The following GRID1 variants were observed in gnomAD, a reference collection of about 807,000 sequenced individuals.
GRID1 encodes the protein glutamate ionotropic receptor delta type subunit 1.
In GRID1, 28 loss-of-function variants were observed where a neutral mutation model predicts 98.0. That is an observed-to-expected ratio of 0.29 (90% CI 0.21 to 0.39). GRID1 has a LOEUF of 0.39. GRID1 is among the 10% of genes least tolerant of loss of function. The probability of loss-of-function intolerance (pLI) is 1.00; values close to 1 mark genes in which losing one functional copy is unlikely to be tolerated. For missense variants in GRID1, 1,111 were observed against 1,340.5 expected (o/e 0.83, Z 2.67); for synonymous variants, 553 against 538.5 (o/e 1.03, Z -0.37).
rs190497912 is a variant in GRID1 at position 85,884,826 on chromosome 10, G to T, written c.781-15646C>A. ...TGGAATTGACTGATGGCAAAATACT[G>T]ATGGATCTACCTCCATTTTCAATGG... On this transcript the variant is annotated intron_variant, in intron 5 of 15. Transcript: ENST00000327946. 1.9e-4 allele frequency among the ~76,000 whole-genome samples: 29 copies of T among 152,254 alleles called. No homozygotes were observed. In the East Asian group the frequency reaches 5.2e-3, roughly 27 times the overall value.
At chr10:85,883,193 T>G (rs1212265168) in intron 5 of GRID1, among the ~76,000 whole-genome samples, 1 of 152,190 alleles carries the variant, frequency 6.6e-6, no homozygotes, top group Non-Finnish European at 1.5e-5. Context: ...TCTGCGTATG[T>G]ATCCACTTTG....
At chr10:86,119,000 C>T (rs139345448) in intron 4 of GRID1, among the ~76,000 whole-genome samples, 2 of 152,144 alleles carry the variant, frequency 1.3e-5, no homozygotes, top group African/African-American at 4.8e-5. Context: ...TGGATAGGAT[C>T]CTAAGACAAA....
chr10:86,160,913 T>C (rs7091238), intron 3 of GRID1, among the ~76,000 whole-genome samples: 64,645 of 152,180 alleles, frequency 0.42, 16,640 homozygotes, highest in African/African-American at 0.72. Context: ...ACACGCTCAG[T>C]GTGCTGGAAA....
chr10:86,140,266 C>T (rs1844992865), intron 3 of GRID1, among the ~76,000 whole-genome samples: 1 of 152,254 alleles, frequency 6.6e-6, no homozygotes, highest in Admixed American at 6.5e-5. Context: ...TCTGCCCAGA[C>T]CCACAAGCTG....
At chr10:86,105,042 G>A (rs1184290879) in intron 4 of GRID1, among the ~76,000 whole-genome samples, 5 of 152,176 alleles carry the variant, frequency 3.3e-5, no homozygotes, top group Non-Finnish European at 7.3e-5. Context: ...TCATTACATA[G>A]TCACATAATT....
intron 8 of GRID1, among the ~76,000 whole-genome samples, chr10:85,845,180 T>C (rs773518628): frequency 6.6e-6 from 1 of 151,966 alleles, no homozygotes; most frequent in Non-Finnish European, 1.5e-5. Context: ...TGATTGTGTA[T>C]ACAGAAAATC....
intron 8 of GRID1, among the ~76,000 whole-genome samples, chr10:85,734,693 G>T (rs1197434895): frequency 6.6e-6 from 1 of 152,160 alleles, no homozygotes; most frequent in Non-Finnish European, 1.5e-5. Flanking sequence ...CAGAAGCCAA[G>T]TGCCCCAGGC....
At chr10:85,898,507 C>T in intron 5 of GRID1, among the ~76,000 whole-genome samples, 1 of 152,174 alleles carries the variant, frequency 6.6e-6, no homozygotes, top group East Asian at 1.9e-4. Context: ...TATAGTAACA[C>T]TTAGTTTACA....
intron 12 of GRID1, among the ~76,000 whole-genome samples, chr10:85,689,855 A>C (rs1346768834): frequency 1.3e-5 from 2 of 152,208 alleles, no homozygotes; most frequent in African/African-American, 4.8e-5. Flanking sequence ...TATTCTTCAT[A>C]TGTAGAGAAC....
chr10:86,335,650 C>T (rs1288359366), intron 2 of GRID1, among the ~76,000 whole-genome samples: 1 of 152,230 alleles, frequency 6.6e-6, no homozygotes, highest in Non-Finnish European at 1.5e-5. Context: ...AAGAAACACA[C>T]TCATGAGGTC....
chr10:85,636,063 G>A (rs574367575), intron 13 of GRID1, among the ~76,000 whole-genome samples: 2 of 152,314 alleles, frequency 1.3e-5, no homozygotes, highest in South Asian at 2.1e-4. Flanking sequence ...TGATGCATAG[G>A]AGAAACTTAA....
chr10:85,753,718 A>G (rs1436483635), intron 8 of GRID1, among the ~76,000 whole-genome samples: 1 of 152,226 alleles, frequency 6.6e-6, no homozygotes, highest in African/African-American at 2.4e-5. Flanking sequence ...GTAGGGCAGA[A>G]AGCCTCACAC....
At chr10:86,058,136 G>A (rs537142066) in intron 4 of GRID1, among the ~76,000 whole-genome samples, 4 of 152,268 alleles carry the variant, frequency 2.6e-5, no homozygotes, top group Middle Eastern at 3.4e-3. Flanking sequence ...GAGGAAGGGA[G>A]GAAGCTGGAG....
intron 5 of GRID1, among the ~76,000 whole-genome samples, chr10:85,898,763 G>C (rs1841333568): frequency 6.6e-6 from 1 of 152,000 alleles, no homozygotes; most frequent in Non-Finnish European, 1.5e-5. Flanking sequence ...CTTTATTCTG[G>C]AATATCTCCT....
At chr10:86,294,590 G>A (rs1241232918) in intron 2 of GRID1, among the ~76,000 whole-genome samples, 1 of 152,198 alleles carries the variant, frequency 6.6e-6, no homozygotes, top group African/African-American at 2.4e-5. Flanking sequence ...GAGCACTGGA[G>A]GGAGGGCAGA....
intron 2 of GRID1, among the ~76,000 whole-genome samples, chr10:86,249,112 G>T (rs1233805252): frequency 6.6e-6 from 1 of 152,162 alleles, no homozygotes; most frequent in African/African-American, 2.4e-5. Context: ...AAACCCTCCT[G>T]TTCCCAAATA....
chr10:85,735,413 GACAA>G (rs1360056656), intron 8 of GRID1, among the ~76,000 whole-genome samples: 1 of 152,114 alleles, frequency 6.6e-6, no homozygotes, highest in Non-Finnish European at 1.5e-5. Flanking sequence ...ATCTGATTAT[GACAA>G]ACAACTGTGC....
chr10:86,362,662 G>A (rs1366821708), intron 2 of GRID1, among the ~76,000 whole-genome samples: 1 of 152,022 alleles, frequency 6.6e-6, no homozygotes. Flanking sequence ...CCAAGAATAG[G>A]AGACCCCCAG....
At chr10:85,740,516 C>T (rs543953837) in intron 8 of GRID1, among the ~76,000 whole-genome samples, 1 of 152,244 alleles carries the variant, frequency 6.6e-6, no homozygotes, top group South Asian at 2.1e-4. Context: ...CCATTACACT[C>T]TCTCAAACTC....
Sources: allele counts gnomAD v4.1 joint callset (sites outside exome capture counted in the v4.1 genomes callset), GRCh38; gene constraint gnomAD v4.1.1; transcripts MANE v1.5; gene names NCBI Gene and HGNC (gene_info 2026-07-23, HGNC 2026-07-21).